The following HERC1 variants were observed in gnomAD, a reference collection of about 807,000 sequenced individuals.
HERC1 encodes the protein HECT and RLD domain containing E3 ubiquitin protein ligase family member 1, also known as probable E3 ubiquitin-protein ligase HERC1.
HERC1 carries 160 observed loss-of-function variants against 554.3 expected under a neutral mutation model. That is an observed-to-expected ratio of 0.29 (90% CI 0.25 to 0.33). The LOEUF (loss-of-function observed/expected upper bound fraction) is 0.33. Ranked by LOEUF, HERC1 falls within the 10% of genes least tolerant of loss-of-function variation. The pLI is 1.00. For missense variants in HERC1, 4,919 were observed against 5,918.5 expected (o/e 0.83, Z 5.54); for synonymous variants, 2,175 against 2,131.7 (o/e 1.02, Z -0.56).
intron 1 of HERC1, among the ~76,000 whole-genome samples, chr15:63,828,494 C>T (rs1261407942): frequency 6.6e-6 from 1 of 152,078 alleles, no homozygotes; most frequent in African/African-American, 2.4e-5. Context: ...CAAGCGCCAC[C>T]ACACCAAGCT....
At position 63,648,139 on chromosome 15, in the gene HERC1, T is replaced by C. The variant is rs757008357; in HGVS notation, c.10808A>G (p.Asp3603Gly). 2.5e-5 allele frequency: 40 copies of C among 1,591,446 alleles called. 1 individual carries two copies. Among genetic ancestry groups the C allele is most frequent in the Non-Finnish European group, 3.3e-5 (39 of 1,167,338 alleles). ...CTTTGTTCCCAGTAACAGTTTTCCA[T>C]CAAAATATCCCACTGCAAATGGTCT... ...EDRPFAVGYFDGKLLLGTKEP... is the reference protein window; with the variant it reads ...EDRPFAVGYFGGKLLLGTKEP... Residue 3603 changes from aspartate (D) to glycine (G), a missense_variant, in exon 55 of 78, where the codon GAT becomes GGT. Physicochemically the swap from Asp to Gly is moderately conservative, Grantham distance 94. Transcript: ENST00000443617.
intron 14 of HERC1, among the ~76,000 whole-genome samples, chr15:63,730,026 CAAA>C (rs57121923): frequency 7.4e-4 from 53 of 71,454 alleles, no homozygotes; most frequent in Admixed American, 1.2e-3. Flanking sequence ...AACTATGTCT[CAAA>C]AAAAAAAAAA....
chr15:63,627,806 G>A (rs1203122097), intron 70 of HERC1, among the ~76,000 whole-genome samples: 1 of 152,130 alleles, frequency 6.6e-6, no homozygotes, highest in Non-Finnish European at 1.5e-5. Flanking sequence ...CCCACAGTTG[G>A]GTGTTGAGCA....
At chr15:63,650,348 T>G (rs1419082173) in intron 53 of HERC1, among the ~76,000 whole-genome samples, 2 of 152,064 alleles carry the variant, frequency 1.3e-5, no homozygotes, top group Non-Finnish European at 2.9e-5. Flanking sequence ...CACTCCAGCC[T>G]GAATGACAGA....
rs2074007059 is a variant in HERC1, at chr15:63,725,564, T to G, written c.3347-51A>C. 6 of 1,437,934 alleles carry G rather than the reference T, an allele frequency of 4.2e-6. No homozygotes were observed. In the African/African-American group the frequency reaches 5.6e-5, roughly 14 times the overall value. 89.1% of individuals were successfully genotyped at this position (1,437,934 alleles called of 1,614,324 possible). ...TGTCTTTATCTGGTACTTTTAAGAT[T>G]CAAAATATTTCTCATAGTCTCCTAC... On this transcript the variant is annotated intron_variant, in intron 17 of 77. Transcript: ENST00000443617.
At chr15:63,823,600 G>T (rs952194302) in intron 1 of HERC1, among the ~76,000 whole-genome samples, 1 of 152,124 alleles carries the variant, frequency 6.6e-6, no homozygotes, top group Non-Finnish European at 1.5e-5. Flanking sequence ...GACAATGGTC[G>T]GAGTGGATAC....
intron 1 of HERC1, among the ~76,000 whole-genome samples, chr15:63,778,834 G>A (rs1217672314): frequency 2.0e-5 from 3 of 152,090 alleles, no homozygotes; most frequent in Non-Finnish European, 4.4e-5. Context: ...AAAGCAAAGT[G>A]TAAGTTAACA....
intron 24 of HERC1, among the ~76,000 whole-genome samples, chr15:63,711,912 T>C (rs2073317257): frequency 6.6e-6 from 1 of 152,182 alleles, no homozygotes; most frequent in Non-Finnish European, 1.5e-5. Context: ...AACAGCCAAA[T>C]TGAAAACCTA....
rs1166354463 is a variant in HERC1, at chr15:63,756,465, T to G, written c.1505A>C (p.Lys502Thr). 6.2e-7 allele frequency: 1 copy of G among 1,613,732 alleles called. No individual in the cohort carries two copies. Among genetic ancestry groups the G allele is most frequent in the South Asian group, 1.1e-5 (1 of 91,040 alleles). ...HGNSSTQKYP[K>T]LIQGPLQGKV... Reference sequence around the variant, plus strand: ...TCCTTGTAGAGGTCCCTGAATAAGCTTGGGATATTTCTGTGTTGAACTATT... The same window carrying G: ...TCCTTGTAGAGGTCCCTGAATAAGCGTGGGATATTTCTGTGTTGAACTATT... Residue 502 changes from lysine to threonine, a missense_variant, in exon 5 of 78, where the codon AAG becomes ACG. Coordinates refer to ENST00000443617, the MANE Select transcript of HERC1 (RefSeq NM_003922.4). The surrounding 1 kb of genome is among the most constrained non-coding windows in gnomAD (Gnocchi z 5.0).
chr15:63,755,363 T>A, intron 5 of HERC1, 38 bp from the exon 6 acceptor site: 1 of 1,420,666 alleles, frequency 7.0e-7, no homozygotes. Flanking sequence ...AGTATGCACA[T>A]GTTAAAACAT....
chr15:63,655,175 G>GAAACCCCAGGCC (rs1256990452), intron 50 of HERC1, among the ~76,000 whole-genome samples: 1 of 151,900 alleles, frequency 6.6e-6, no homozygotes, highest in Non-Finnish European at 1.5e-5. Context: ...CCAACATGGC[G>GAAACCCCAGGCC]AAACCCCATC....
chr15:63,716,982 G>A (rs2073583655), intron 21 of HERC1, among the ~76,000 whole-genome samples: 1 of 152,130 alleles, frequency 6.6e-6, no homozygotes, highest in African/African-American at 2.4e-5. Flanking sequence ...TAAGGACAAT[G>A]TTAACTTGAT....
At chr15:63,772,295 T>G (rs2075978773) in intron 2 of HERC1, among the ~76,000 whole-genome samples, 1 of 152,144 alleles carries the variant, frequency 6.6e-6, no homozygotes, top group Non-Finnish European at 1.5e-5. Flanking sequence ...GAAGGTAAGG[T>G]CCTCGAGGAA....
chr15:63,761,977 A>G (rs1201127349), intron 3 of HERC1, among the ~76,000 whole-genome samples: 1 of 152,238 alleles, frequency 6.6e-6, no homozygotes, highest in Non-Finnish European at 1.5e-5. Flanking sequence ...TACCATGAAT[A>G]TAAAAACCTA....
At chr15:63,686,653 T>A in intron 33 of HERC1, 118 bp from the exon 34 acceptor site, 1 of 810,710 alleles carries the variant, frequency 1.2e-6, no homozygotes, top group Non-Finnish European at 1.9e-6. Flanking sequence ...TATGAATCAG[T>A]TACTGTGCAG....
In HERC1 at chr15:63,698,709, GT is replaced by G; in HGVS notation, c.4905+18del. ...TAAGTTTCCAGAGCTCTCATAAGGA[GT>G]AAATATCAAAGACTTACTTCTGCCC... On this transcript the variant is annotated intron_variant, in intron 26 of 77. Transcript: ENST00000443617. The G allele has an allele frequency of 6.2e-7, 1 of 1,606,364 alleles. No homozygotes were observed. The highest frequency in any genetic ancestry group is 8.5e-7 in the Non-Finnish European group (1 of 1,175,610).
At chr15:63,619,790 T>G (rs1271216347) in intron 74 of HERC1, among the ~76,000 whole-genome samples, 4 of 152,172 alleles carry the variant, frequency 2.6e-5, no homozygotes, top group African/African-American at 7.2e-5. Context: ...ATAGAGGTGT[T>G]TATAGTATTC....
At chr15:63,802,980 T>C (rs12708478) in intron 1 of HERC1, among the ~76,000 whole-genome samples, 72,857 of 152,018 alleles carry the variant, frequency 0.48, 18,408 homozygotes, top group Non-Finnish European at 0.55. Context: ...GAGGCCAAGG[T>C]GGGAGGCTCA....
intron 1 of HERC1, among the ~76,000 whole-genome samples, chr15:63,810,945 A>T (rs2077287018): frequency 6.6e-6 from 1 of 152,250 alleles, no homozygotes; most frequent in Non-Finnish European, 1.5e-5. Context: ...GTGATATTAA[A>T]GAACCAAGAG....
Sources: gnomAD v4.1 joint callset for allele counts (sites outside exome capture counted in the v4.1 genomes callset) on GRCh38, gnomAD v4.1.1 for gene constraint, Gnocchi (gnomAD v3.1) non-coding constraint, MANE v1.5 for transcripts, NCBI Gene and HGNC (gene_info 2026-07-23, HGNC 2026-07-21) for gene names.